The following PDZRN4 variants were observed in gnomAD, a reference collection of about 807,000 sequenced individuals.
The protein encoded by PDZRN4 is PDZ domain containing ring finger 4.
A neutral mutation model predicts 99.0 loss-of-function variants in PDZRN4; 70 were observed. The ratio of observed to expected loss-of-function variants is 0.71; its 90% CI spans 0.58 to 0.86. PDZRN4 has a LOEUF of 0.86. Ranked by LOEUF, PDZRN4 falls within the 40% of genes least tolerant of loss-of-function variation. The pLI is 0.00. For synonymous variants in PDZRN4, 551 were observed against 501.6 expected, an observed-to-expected ratio of 1.10 and a Z score of -1.32; for missense variants, 1,474 against 1,331.2, an observed-to-expected ratio of 1.11 and a Z score of -1.67.
intron 9 of PDZRN4, among the ~76,000 whole-genome samples, chr12:41,572,078 A>G (rs1592118679): frequency 6.6e-6 from 1 of 152,334 alleles, no homozygotes; most frequent in East Asian, 1.9e-4. Flanking sequence ...TTCCCAAGTA[A>G]GAGAAAACCT....
intron 2 of PDZRN4, among the ~76,000 whole-genome samples, chr12:41,191,879 T>C (rs1365165244): frequency 1.3e-5 from 2 of 151,762 alleles, no homozygotes; most frequent in Non-Finnish European, 2.9e-5. Context: ...TCCTCCTGGG[T>C]TCAAGCAATT....
chr12:41,502,499 G>A (rs929364342), intron 3 of PDZRN4, among the ~76,000 whole-genome samples: 4 of 151,934 alleles, frequency 2.6e-5, no homozygotes, highest in Non-Finnish European at 5.9e-5. Context: ...CAGTAATCAA[G>A]TTACCTTGCA....
chr12:41,275,228 A>T (rs1253951955), intron 3 of PDZRN4, among the ~76,000 whole-genome samples: 1 of 152,126 alleles, frequency 6.6e-6, no homozygotes, highest in Non-Finnish European at 1.5e-5. Context: ...TCTGATAAAA[A>T]GTCCGTATTT....
intron 5 of PDZRN4, among the ~76,000 whole-genome samples, chr12:41,519,570 T>A (rs1239370032): frequency 6.6e-6 from 1 of 151,978 alleles, no homozygotes; most frequent in Admixed American, 6.6e-5. Flanking sequence ...TGAATGATCG[T>A]GTCACTCCTC....
At chr12:41,316,414 A>G (rs1425743142) in intron 3 of PDZRN4, among the ~76,000 whole-genome samples, 1 of 151,620 alleles carries the variant, frequency 6.6e-6, no homozygotes, top group Non-Finnish European at 1.5e-5. Context: ...ATTTCTAATG[A>G]GCAGCTCTGA....
intron 3 of PDZRN4, among the ~76,000 whole-genome samples, chr12:41,235,278 T>G (rs1951058375): frequency 6.6e-6 from 1 of 152,092 alleles, no homozygotes; most frequent in Non-Finnish European, 1.5e-5. Flanking sequence ...TGTATTATTG[T>G]GCCATTGTGT....
At chr12:41,240,957 C>G (rs954361878) in intron 3 of PDZRN4, among the ~76,000 whole-genome samples, 1 of 152,068 alleles carries the variant, frequency 6.6e-6, no homozygotes, top group African/African-American at 2.4e-5. Flanking sequence ...TCTTGACCTA[C>G]TAATTCTGTA....
At chr12:41,373,401 C>G in intron 3 of PDZRN4, among the ~76,000 whole-genome samples, 1 of 152,090 alleles carries the variant, frequency 6.6e-6, no homozygotes. Context: ...CCATAAAAGA[C>G]AGCCGCCCCT....
chr12:41,241,038 C>G (rs1012984101), intron 3 of PDZRN4, among the ~76,000 whole-genome samples: 1 of 152,102 alleles, frequency 6.6e-6, no homozygotes, highest in African/African-American at 2.4e-5. Flanking sequence ...CCCTCCCAAC[C>G]CCCAGCTCTT....
At chr12:41,270,282 GT>G (rs887596962) in intron 3 of PDZRN4, among the ~76,000 whole-genome samples, 1 of 103,694 alleles carries the variant, frequency 9.6e-6, no homozygotes, top group Non-Finnish European at 2.2e-5. Flanking sequence ...GTGTCTGTGT[GT>G]GTGGTGTGTG....
intron 5 of PDZRN4, among the ~76,000 whole-genome samples, chr12:41,547,555 G>A (rs1255378984): frequency 6.6e-6 from 1 of 152,064 alleles, no homozygotes; most frequent in Non-Finnish European, 1.5e-5. Flanking sequence ...GAACCTGGGA[G>A]TGGAGGTTGC....
At chr12:41,553,389 AG>A (rs1939092169) in intron 6 of PDZRN4, among the ~76,000 whole-genome samples, 1 of 152,242 alleles carries the variant, frequency 6.6e-6, no homozygotes, top group East Asian at 1.9e-4. Flanking sequence ...ACTCGCAAAA[AG>A]CATTATTTTA....
intron 2 of PDZRN4, among the ~76,000 whole-genome samples, chr12:41,192,278 A>G (rs1414778922): frequency 2.0e-5 from 3 of 151,966 alleles, no homozygotes; most frequent in African/African-American, 7.2e-5. Context: ...TAATTTTTGT[A>G]TTTGTAGCAG....
intron 3 of PDZRN4, among the ~76,000 whole-genome samples, chr12:41,382,349 C>G (rs1952134010): frequency 1.3e-5 from 2 of 152,156 alleles, no homozygotes; most frequent in Non-Finnish European, 2.9e-5. Flanking sequence ...TGGTCACTGA[C>G]TAGTTTCCCT....
chr12:41,322,487 CTTTTTTTT>C (rs71081724), intron 3 of PDZRN4, among the ~76,000 whole-genome samples: 20 of 91,220 alleles, frequency 2.2e-4, no homozygotes, highest in Middle Eastern at 0.01. Context: ...ATTTTCTTTC[CTTTTTTTT>C]TTTTTTTTTT....
intron 3 of PDZRN4, among the ~76,000 whole-genome samples, chr12:41,495,084 A>G (rs1003886801): frequency 1.3e-5 from 2 of 152,078 alleles, no homozygotes; most frequent in Non-Finnish European, 2.9e-5. Context: ...ACACAAAGGT[A>G]TAACGATGCA....
At chr12:41,296,841 C>A (rs975890628) in intron 3 of PDZRN4, among the ~76,000 whole-genome samples, 5 of 152,024 alleles carry the variant, frequency 3.3e-5, no homozygotes, top group African/African-American at 1.2e-4. Flanking sequence ...TGCCTGTAGT[C>A]CTAGCTACCA....
At chr12:41,496,772 GA>G (rs1389472348) in intron 3 of PDZRN4, among the ~76,000 whole-genome samples, 4 of 152,112 alleles carry the variant, frequency 2.6e-5, no homozygotes, top group African/African-American at 9.7e-5. Flanking sequence ...TCTTGATAAA[GA>G]AATATATGAA....
chr12:41,379,464 A>C (rs1203695873), intron 3 of PDZRN4, among the ~76,000 whole-genome samples: 1 of 150,930 alleles, frequency 6.6e-6, no homozygotes, highest in Non-Finnish European at 1.5e-5. Context: ...TAGATTGCTT[A>C]TTTTAGATCC....
Sources: gnomAD v4.1 joint callset for allele counts (sites outside exome capture counted in the v4.1 genomes callset) on GRCh38, gnomAD v4.1.1 for gene constraint, MANE v1.5 for transcripts, NCBI Gene and HGNC (gene_info 2026-07-23, HGNC 2026-07-21) for gene names.